DMBT1: variants seen among roughly 807,000 people sequenced by gnomAD.
DMBT1 encodes the protein scavenger receptor cysteine-rich domain-containing protein DMBT1.
A neutral mutation model predicts 252.9 loss-of-function variants in DMBT1; 198 were observed. That is an observed-to-expected ratio of 0.78 (90% CI 0.70 to 0.88). The LOEUF (loss-of-function observed/expected upper bound fraction) is 0.88, where lower values mean the gene tolerates loss of function less well. Among genes scored for constraint, DMBT1 ranks in the 40% least tolerant of loss-of-function variants. DMBT1 has a pLI of 0.00. For missense variants in DMBT1, 2,432 were observed against 2,404.7 expected (o/e 1.01, Z -0.24); for synonymous variants, 990 against 942.7 (o/e 1.05, Z -0.92).
At chr10:122,642,366 A>G (rs1483065951) in intron 55 of DMBT1, among the ~76,000 whole-genome samples, 1 of 152,170 alleles carries the variant, frequency 6.6e-6, no homozygotes, top group East Asian at 1.9e-4. Context: ...CCAGTGGGCC[A>G]GTTTTCCTGG....
chr10:122,631,706 G>A, intron 49 of DMBT1, 149 bp from the exon 50 acceptor site: 1 of 759,860 alleles, frequency 1.3e-6, no homozygotes. Context: ...AGCTGGGAAG[G>A]CTTCTCAATA....
In DMBT1 at chr10:122,591,278, G is replaced by C. The variant is rs998210809; in HGVS notation, c.2138-201G>C. On this transcript the variant is annotated intron_variant, in intron 18 of 55. Coordinates refer to ENST00000338354, the MANE Select transcript of DMBT1 (RefSeq NM_001377530.1). ...GTATTCCACACTTCAGAGGCAGGAG[G>C]GATCGGACTGGTCTCCAGTGAGGAC... 2.0e-5 allele frequency among the ~76,000 whole-genome samples: 3 copies of C among 148,514 alleles called. 1 individual carries two copies. The highest frequency in any genetic ancestry group is 4.5e-5 in the Non-Finnish European group (3 of 66,702).
chr10:122,642,545 C>T (rs1368406888), intron 55 of DMBT1, among the ~76,000 whole-genome samples: 1 of 152,096 alleles, frequency 6.6e-6, no homozygotes, highest in African/African-American at 2.4e-5. Context: ...GGGTTTATAT[C>T]GGTATAGGGG....
intron 11 of DMBT1, among the ~76,000 whole-genome samples, chr10:122,581,292 A>T (rs970412083): frequency 2.4e-4 from 34 of 144,648 alleles, no homozygotes; most frequent in African/African-American, 6.2e-4. Context: ...ACCCCCATCC[A>T]TCACTGCTGG....
At chr10:122,566,506 T>A (rs1342553636) in intron 2 of DMBT1, among the ~76,000 whole-genome samples, 1 of 151,950 alleles carries the variant, frequency 6.6e-6, no homozygotes, top group African/African-American at 2.4e-5. Flanking sequence ...GAGATGGGGT[T>A]TCACCATGTT....
chr10:122,626,329 G>A (rs2133656023), intron 46 of DMBT1, among the ~76,000 whole-genome samples: 1 of 152,178 alleles, frequency 6.6e-6, no homozygotes, highest in South Asian at 2.1e-4. Flanking sequence ...ACTTTTCTGT[G>A]TTATTAAATC....
In DMBT1 at chr10:122,630,218, G is replaced by A. The variant is rs1591545773; in HGVS notation, c.5823-70G>A. On this transcript the variant is annotated intron_variant, in intron 47 of 55. Coordinates refer to ENST00000338354, the MANE Select transcript of DMBT1 (RefSeq NM_001377530.1). ...TATTCAATGGCATCCCTCGTAAAGT[G>A]CAAACTATTTATAAAATGGAGGGGC... is the stretch of plus-strand genomic sequence containing the variant. 18 of 1,516,248 alleles carry A rather than the reference G, an allele frequency of 1.2e-5. No individual in the cohort carries two copies. In the East Asian group the frequency reaches 3.6e-4, roughly 30 times the overall value. 93.9% of individuals were successfully genotyped at this position (1,516,248 alleles called of 1,614,324 possible).
intron 1 of DMBT1, among the ~76,000 whole-genome samples, chr10:122,563,478 C>T (rs2097565119): frequency 6.6e-6 from 1 of 151,800 alleles, no homozygotes; most frequent in Admixed American, 6.6e-5. Flanking sequence ...TAGGAAGGTA[C>T]CAGTGTTTGT....
Position 122,585,269 on chromosome 10 carries a change from A to G in DMBT1, c.1421-2A>G, listed in dbSNP as rs1054744471. 9 of 1,586,796 alleles carry G rather than the reference A, an allele frequency of 5.7e-6. 1 individual carries two copies. Among genetic ancestry groups the G allele is most frequent in the African/African-American group, 4.0e-5 (3 of 74,614 alleles). ...TAGCCTTTGTCTCTGTTGCAATTAC[A>G]GACACGTTGCCGACCATCACCTTAC... is the stretch of plus-strand genomic sequence containing the variant. On this transcript the variant is annotated splice_acceptor_variant, in intron 14 of 55. Coordinates refer to ENST00000338354, the MANE Select transcript of DMBT1 (RefSeq NM_001377530.1). LOFTEE classifies it high-confidence loss of function.
intron 53 of DMBT1, among the ~76,000 whole-genome samples, chr10:122,636,402 A>G (rs564836277): frequency 6.6e-6 from 1 of 152,246 alleles, no homozygotes; most frequent in African/African-American, 2.4e-5. Flanking sequence ...GAACTGGCTG[A>G]TGGGTGATGA....
At chr10:122,641,442 C>T (rs956730506) in intron 55 of DMBT1, among the ~76,000 whole-genome samples, 10 of 152,258 alleles carry the variant, frequency 6.6e-5, no homozygotes, top group African/African-American at 1.9e-4. Flanking sequence ...AGATTCAATT[C>T]GACACCCTCT....
At chr10:122,585,411 T>G in intron 15 of DMBT1, 102 bp downstream of exon 15, 1 of 1,409,448 alleles carries the variant, frequency 7.1e-7, no homozygotes. Flanking sequence ...CCCCTCTGTT[T>G]TTCATGTCCC....
chr10:122,633,164 C>T (rs557320769), intron 51 of DMBT1, 27 bp from the exon 52 acceptor site: 39 of 1,612,084 alleles, frequency 2.4e-5, no homozygotes, highest in Admixed American at 3.3e-5. Flanking sequence ...TGGGGGTCAC[C>T]GACATTCCCA....
At chr10:122,630,918 T>C in intron 48 of DMBT1, 43 bp from the exon 49 acceptor site, 2 of 1,551,652 alleles carry the variant, frequency 1.3e-6, no homozygotes, top group Non-Finnish European at 8.8e-7. Context: ...GGGACATTTG[T>C]TGTGGGACAT....
chr10:122,577,761 T>G, intron 7 of DMBT1, 50 bp from the exon 8 acceptor site: 1 of 1,610,638 alleles, frequency 6.2e-7, no homozygotes, highest in Middle Eastern at 1.7e-4. Flanking sequence ...TTAACTCTAC[T>G]TGGAGTCACT....
Position 122,631,106 on chromosome 10 carries a change from G to A in DMBT1, c.6171G>A (p.Gly2057=), listed in dbSNP as rs917161241. 1 of 1,613,990 alleles carries A rather than the reference G, an allele frequency of 6.2e-7. No homozygotes were observed. The highest frequency in any genetic ancestry group is 1.1e-5 in the South Asian group (1 of 91,064). ...CTGAGGTGGTCTGCAGACAGCTAGG[G>A]TGTGGACGTGCAGTTTCAGCCCTTG... is the stretch of plus-strand genomic sequence containing the variant. The part of the protein sequence containing the change: ...QEAEVVCRQL[G]CGRAVSALGN... The change falls in exon 49 of 56, where the codon GGG becomes GGA. Residue 2057 remains glycine (G), a synonymous_variant. Transcript: ENST00000338354.
chr10:122,572,415 G>C (rs2097672938), intron 5 of DMBT1, 54 bp downstream of exon 5: 1 of 1,602,460 alleles, frequency 6.2e-7, no homozygotes, highest in Admixed American at 1.7e-5. Flanking sequence ...TGTACTCCTA[G>C]ATTCATCTCT....
chr10:122,631,742 C>A, intron 49 of DMBT1, 113 bp from the exon 50 acceptor site: 2 of 1,191,968 alleles, frequency 1.7e-6, no homozygotes, highest in Middle Eastern at 1.9e-4. Context: ...ACCTGGGGAC[C>A]CTCGCCGAGG....
intron 45 of DMBT1, 120 bp from the exon 46 acceptor site, chr10:122,625,813 G>A (rs2098114682): frequency 4.8e-6 from 4 of 840,732 alleles, no homozygotes; most frequent in East Asian, 2.4e-5. Flanking sequence ...AACTGGAATG[G>A]TCAAGGCTCT....
Sources: gnomAD v4.1 joint callset for allele counts (sites outside exome capture counted in the v4.1 genomes callset) on GRCh38, gnomAD v4.1.1 for gene constraint, MANE v1.5 for transcripts, NCBI Gene and HGNC (gene_info 2026-07-23, HGNC 2026-07-21) for gene names.